The following ARHGAP24 variants were observed in gnomAD, a reference collection of about 807,000 sequenced individuals.
The protein encoded by ARHGAP24 is rho GTPase-activating protein 24.
Under a neutral mutation model 76.4 loss-of-function variants are expected in ARHGAP24, and 50 were observed. That is an observed-to-expected ratio of 0.65 (90% CI 0.52 to 0.83). The LOEUF (loss-of-function observed/expected upper bound fraction) is 0.83. Among genes scored for constraint, ARHGAP24 ranks in the 40% least tolerant of loss-of-function variants. The probability of loss-of-function intolerance (pLI) is 0.00; values close to 1 mark genes in which losing one functional copy is unlikely to be tolerated. For missense variants in ARHGAP24, 930 were observed against 914.2 expected, an observed-to-expected ratio of 1.02 and a Z score of -0.22; for synonymous variants, 345 against 323.3, an observed-to-expected ratio of 1.07 and a Z score of -0.72.
chr4:85,723,587 T>A (rs1282117780), intron 3 of ARHGAP24: 1 of 152,258 alleles, frequency 6.6e-6, no homozygotes, highest in Non-Finnish European at 1.5e-5. Flanking sequence ...GCTTCTGTAA[T>A]TATGGACTTA....
intron 3 of ARHGAP24, among the ~76,000 whole-genome samples, chr4:85,839,785 C>A (rs976053756): frequency 6.6e-6 from 1 of 150,742 alleles, no homozygotes; most frequent in Non-Finnish European, 1.5e-5. Flanking sequence ...GCAAATGAAA[C>A]ACAAATGCTT....
chr4:85,750,106 G>A (rs1418564478), intron 3 of ARHGAP24, among the ~76,000 whole-genome samples: 4 of 152,080 alleles, frequency 2.6e-5, no homozygotes, highest in Admixed American at 6.5e-5. Flanking sequence ...TGAAATGTCA[G>A]CTGTTCTGGA....
chr4:85,551,506 T>C (rs1015805840), intron 1 of ARHGAP24, among the ~76,000 whole-genome samples: 2 of 152,044 alleles, frequency 1.3e-5, no homozygotes, highest in Non-Finnish European at 1.5e-5. Context: ...TTGTTGTTGT[T>C]GTATGTCTCC....
intron 1 of ARHGAP24, among the ~76,000 whole-genome samples, chr4:85,497,846 A>T (rs1283013294): frequency 2.6e-5 from 4 of 152,180 alleles, no homozygotes; most frequent in Non-Finnish European, 4.4e-5. Context: ...AAGAAAGAAA[A>T]GGAAAAGAAA....
chr4:85,921,888 A>T (rs1735739332), intron 3 of ARHGAP24, among the ~76,000 whole-genome samples: 1 of 152,064 alleles, frequency 6.6e-6, no homozygotes, highest in South Asian at 2.1e-4. Context: ...TCTAAGGTGG[A>T]ACAGTTCCAT....
chr4:85,781,205 A>C (rs1727539774), intron 3 of ARHGAP24, among the ~76,000 whole-genome samples: 1 of 152,230 alleles, frequency 6.6e-6, no homozygotes, highest in Non-Finnish European at 1.5e-5. Context: ...TGGCTTTCTA[A>C]CTTACAAGTT....
chr4:85,800,782 A>T (rs1051942575), intron 3 of ARHGAP24, among the ~76,000 whole-genome samples: 1 of 152,212 alleles, frequency 6.6e-6, no homozygotes, highest in African/African-American at 2.4e-5. Flanking sequence ...TGGGAATTTT[A>T]AAAATGTTAA....
intron 2 of ARHGAP24, among the ~76,000 whole-genome samples, chr4:85,617,469 C>T (rs1466490607): frequency 6.6e-6 from 1 of 151,880 alleles, no homozygotes; most frequent in African/African-American, 2.4e-5. Flanking sequence ...TATAAAGCAG[C>T]TACACACTAT....
At chr4:85,532,318 C>G (rs182338956) in intron 1 of ARHGAP24, among the ~76,000 whole-genome samples, 2 of 152,212 alleles carry the variant, frequency 1.3e-5, no homozygotes, top group East Asian at 3.9e-4. Flanking sequence ...AATTCCTTAT[C>G]AGGACAGAGA....
intron 3 of ARHGAP24, among the ~76,000 whole-genome samples, chr4:85,740,172 T>C (rs565659102): frequency 6.6e-6 from 1 of 152,184 alleles, no homozygotes; most frequent in South Asian, 2.1e-4. Context: ...AGAACTTCTA[T>C]TGAAAGTACC....
At chr4:85,855,445 G>T (rs547525371) in intron 3 of ARHGAP24, among the ~76,000 whole-genome samples, 31 of 152,170 alleles carry the variant, frequency 2.0e-4, no homozygotes, top group Non-Finnish European at 4.3e-4. Flanking sequence ...GGTGGCTCAC[G>T]CCTGTAATCC....
At chr4:85,512,407 G>T (rs750000489) in intron 1 of ARHGAP24, among the ~76,000 whole-genome samples, 1 of 152,234 alleles carries the variant, frequency 6.6e-6, no homozygotes, top group Non-Finnish European at 1.5e-5. Context: ...CCCAAGCTTA[G>T]TACCTGGCTT....
intron 1 of ARHGAP24, among the ~76,000 whole-genome samples, chr4:85,539,973 A>G (rs1725613862): frequency 6.6e-6 from 1 of 152,126 alleles, no homozygotes; most frequent in Non-Finnish European, 1.5e-5. Flanking sequence ...TGAACCCAGG[A>G]GGCAGAGGTT....
intron 3 of ARHGAP24, among the ~76,000 whole-genome samples, chr4:85,907,659 A>G (rs1192982565): frequency 3.3e-5 from 5 of 152,180 alleles, no homozygotes; most frequent in Admixed American, 6.5e-5. Flanking sequence ...GACCTTGCTT[A>G]TATTGGGATT....
chr4:85,721,775 C>T, intron 2 of ARHGAP24, 110 bp from the exon 3 acceptor site: 1 of 912,658 alleles, frequency 1.1e-6, no homozygotes, highest in Non-Finnish European at 1.8e-6. Flanking sequence ...TCTGATGCAT[C>T]TTACTGTATA....
intron 3 of ARHGAP24, among the ~76,000 whole-genome samples, chr4:85,899,706 A>G (rs565979740): frequency 6.6e-6 from 1 of 152,292 alleles, no homozygotes; most frequent in African/African-American, 2.4e-5. Flanking sequence ...CAAAACCCCA[A>G]ACAACCTTGA....
intron 2 of ARHGAP24, among the ~76,000 whole-genome samples, chr4:85,639,146 T>C (rs112716303): frequency 6.6e-6 from 1 of 152,180 alleles, no homozygotes; most frequent in African/African-American, 2.4e-5. Context: ...AAGAAGAGAA[T>C]GTAGCCCATG....
intron 3 of ARHGAP24, among the ~76,000 whole-genome samples, chr4:85,911,333 T>C (rs1268684683): frequency 6.6e-6 from 1 of 152,024 alleles, no homozygotes; most frequent in African/African-American, 2.4e-5. Context: ...ACAACCTGCA[T>C]GATGGCAGTG....
chr4:85,812,069 A>C (rs927174329), intron 3 of ARHGAP24, among the ~76,000 whole-genome samples: 1 of 152,058 alleles, frequency 6.6e-6, no homozygotes, highest in African/African-American at 2.4e-5. Context: ...CCAGCTACTC[A>C]GGAGGCTGAG....
Sources: allele counts gnomAD v4.1 joint callset (sites outside exome capture counted in the v4.1 genomes callset), GRCh38; gene constraint gnomAD v4.1.1; transcripts MANE v1.5; gene names NCBI Gene and HGNC (gene_info 2026-07-23, HGNC 2026-07-21).